The following NOX4 variants were observed in gnomAD, a reference collection of about 807,000 sequenced individuals.
NOX4 encodes NADPH oxidase 4.
A neutral mutation model predicts 87.6 loss-of-function variants in NOX4; 69 were observed. The ratio of observed to expected loss-of-function variants is 0.79; its 90% CI spans 0.65 to 0.96. The LOEUF is 0.96. NOX4 is among the 40% of genes least tolerant of loss of function. The pLI is 0.00. For synonymous variants in NOX4, 275 were observed against 238.2 expected (o/e 1.15, Z -1.42); for missense variants, 680 against 681.5 (o/e 1.00, Z 0.02).
At chr11:89,384,840 G>A (rs2097093) in intron 11 of NOX4, among the ~76,000 whole-genome samples, 2,995 of 152,000 alleles carry the variant, frequency 0.02, 82 homozygotes, top group East Asian at 0.13. Context: ...GCTGGCCCCC[G>A]CATTATTTCA....
At chr11:89,410,569 G>A (rs867888197) in intron 8 of NOX4, among the ~76,000 whole-genome samples, 10 of 152,086 alleles carry the variant, frequency 6.6e-5, no homozygotes, top group African/African-American at 1.9e-4. Flanking sequence ...GTTGGAACTC[G>A]CAGATACATA....
chr11:89,368,767 T>C (rs1381652575), intron 12 of NOX4, among the ~76,000 whole-genome samples: 1 of 152,044 alleles, frequency 6.6e-6, no homozygotes, highest in Non-Finnish European at 1.5e-5. Flanking sequence ...ATAACTACTA[T>C]CACTGTGAGT....
intron 7 of NOX4, among the ~76,000 whole-genome samples, chr11:89,422,485 T>C (rs1263606083): frequency 6.6e-6 from 1 of 152,188 alleles, no homozygotes; most frequent in African/African-American, 2.4e-5. Flanking sequence ...CTCAATGTTA[T>C]TGCTCTGGGG....
At chr11:89,476,025 A>C (rs945110976) in intron 2 of NOX4, among the ~76,000 whole-genome samples, 2 of 152,176 alleles carry the variant, frequency 1.3e-5, no homozygotes, top group Admixed American at 1.3e-4. Flanking sequence ...TGCCATGTAC[A>C]AAACAAAACA....
At chr11:89,384,731 C>T (rs1940561236) in intron 11 of NOX4, among the ~76,000 whole-genome samples, 1 of 152,164 alleles carries the variant, frequency 6.6e-6, no homozygotes, top group Non-Finnish European at 1.5e-5. Flanking sequence ...TCATTACACA[C>T]AGCCAAAGTA....
chr11:89,518,369 G>A, the NOX4 span, among the ~76,000 whole-genome samples: 1 of 99,104 alleles, frequency 1.0e-5, no homozygotes, highest in Non-Finnish European at 1.9e-5. Flanking sequence ...ACTGCAGAAA[G>A]TCTTGGGGGG....
chr11:89,516,059 CA>C, the NOX4 span, among the ~76,000 whole-genome samples: 1 of 151,792 alleles, frequency 6.6e-6, no homozygotes, highest in Non-Finnish European at 1.5e-5. Flanking sequence ...ATTATATATT[CA>C]CTTTTTATTT....
At chr11:89,544,383 C>G in the NOX4 span, among the ~76,000 whole-genome samples, 1 of 152,096 alleles carries the variant, frequency 6.6e-6, no homozygotes, top group Non-Finnish European at 1.5e-5. Flanking sequence ...TTAGTTTTAT[C>G]CTGCTCCACA....
chr11:89,521,545 G>T, the NOX4 span, among the ~76,000 whole-genome samples: 1 of 151,808 alleles, frequency 6.6e-6, no homozygotes, highest in Non-Finnish European at 1.5e-5. Context: ...ATGGACTAAA[G>T]ATTTAAATAA....
intron 12 of NOX4, among the ~76,000 whole-genome samples, chr11:89,367,299 A>G (rs1277160433): frequency 6.6e-6 from 1 of 152,130 alleles, no homozygotes; most frequent in African/African-American, 2.4e-5. Context: ...ATCACAAGCC[A>G]GATCAGTATA....
chr11:89,360,161 T>C (rs944776799), intron 12 of NOX4, among the ~76,000 whole-genome samples: 5 of 152,066 alleles, frequency 3.3e-5, no homozygotes, highest in African/African-American at 7.2e-5. Flanking sequence ...ATCGATATTA[T>C]TTCACATTGT....
chr11:89,344,652 G>C (rs1946137378), intron 13 of NOX4, among the ~76,000 whole-genome samples: 1 of 152,078 alleles, frequency 6.6e-6, no homozygotes, highest in African/African-American at 2.4e-5. Flanking sequence ...TTTAATCCAA[G>C]GTTGGTACTG....
intron 12 of NOX4, among the ~76,000 whole-genome samples, chr11:89,356,446 G>A (rs1227764795): frequency 6.7e-6 from 1 of 149,846 alleles, no homozygotes; most frequent in Non-Finnish European, 1.5e-5. Context: ...AAAGGACAAA[G>A]GAAAAAATCC....
intron 6 of NOX4, among the ~76,000 whole-genome samples, chr11:89,438,851 TAATA>T (rs1944287383): frequency 2.2e-5 from 1 of 45,954 alleles, no homozygotes; most frequent in Non-Finnish European, 3.0e-5. Context: ...ATATATTATA[TAATA>T]TATTATATAT....
chr11:89,376,019 C>A (rs773436953), intron 11 of NOX4, among the ~76,000 whole-genome samples: 1 of 152,234 alleles, frequency 6.6e-6, no homozygotes, highest in Non-Finnish European at 1.5e-5. Context: ...AAAGCAGATA[C>A]TGTAAAAGGT....
At chr11:89,493,827 G>A (rs1946918921), upstream of NOX4, among the ~76,000 whole-genome samples, 1 of 151,654 alleles carries the variant, frequency 6.6e-6, no homozygotes, top group African/African-American at 2.4e-5. Context: ...TCGGCTGACT[G>A]TAACCTCCAC....
rs186688193 is a variant in NOX4 at position 89,328,405 on chromosome 11, T to G, written c.1617-1529A>C. ...AACGTATCACCTTATTTGCAAGGAG[T>G]AGAGGGGATATTGGTAAAATTAGCC... On this transcript the variant is annotated intron_variant, in intron 17 of 17. Coordinates refer to ENST00000263317, the MANE Select transcript of NOX4 (RefSeq NM_016931.5). 9.1e-4 allele frequency among the ~76,000 whole-genome samples: 138 copies of G among 151,820 alleles called. 1 individual carries two copies. Among genetic ancestry groups the G allele is most frequent in the African/African-American group, 1.8e-3 (74 of 41,384 alleles).
chr11:89,349,582 C>A (rs1469159960), intron 13 of NOX4, among the ~76,000 whole-genome samples: 2 of 152,088 alleles, frequency 1.3e-5, no homozygotes, highest in Non-Finnish European at 2.9e-5. Context: ...CTTTTATTGT[C>A]CAAACAATCA....
At chr11:89,382,742 C>T (rs185013974) in intron 11 of NOX4, among the ~76,000 whole-genome samples, 2 of 152,062 alleles carry the variant, frequency 1.3e-5, no homozygotes, top group Non-Finnish European at 2.9e-5. Context: ...CCTGTTCACA[C>T]CCAGTCTGGC....
Sources: gnomAD v4.1 joint callset for allele counts (sites outside exome capture counted in the v4.1 genomes callset) on GRCh38, gnomAD v4.1.1 for gene constraint, MANE v1.5 for transcripts, NCBI Gene and HGNC (gene_info 2026-07-23, HGNC 2026-07-21) for gene names.